The following VWC2 variants were observed in gnomAD, a reference collection of about 807,000 sequenced individuals.
VWC2 encodes the protein brorin.
In VWC2, 14 loss-of-function variants were observed where a neutral mutation model predicts 29.8. That is an observed-to-expected ratio of 0.47 (90% CI 0.31 to 0.74). The LOEUF (loss-of-function observed/expected upper bound fraction) is 0.74, where lower values mean the gene tolerates loss of function less well. VWC2 is among the 30% of genes least tolerant of loss of function. The pLI is 0.05. For missense variants in VWC2, 457 were observed against 459.8 expected, an observed-to-expected ratio of 0.99 and a Z score of 0.05; for synonymous variants, 213 against 199.0, an observed-to-expected ratio of 1.07 and a Z score of -0.59.
chr7:49,786,803 GTC>G (rs1464199880), intron 2 of VWC2, among the ~76,000 whole-genome samples: 1 of 152,144 alleles, frequency 6.6e-6, no homozygotes, highest in Non-Finnish European at 1.5e-5. Context: ...GTCTGTTCAT[GTC>G]TCTTGCCCAT....
At chr7:49,808,263 A>G (rs898397677) in intron 3 of VWC2, among the ~76,000 whole-genome samples, 1 of 152,160 alleles carries the variant, frequency 6.6e-6, no homozygotes, top group African/African-American at 2.4e-5. Context: ...AAAGAATTGT[A>G]TATCTAATTT....
intron 2 of VWC2, among the ~76,000 whole-genome samples, chr7:49,799,331 C>T (rs1788678983): frequency 6.6e-6 from 1 of 152,234 alleles, no homozygotes; most frequent in Non-Finnish European, 1.5e-5. Context: ...TTTATGTGAC[C>T]TGGATCCTGG....
chr7:49,810,173 A>G (rs918865628), intron 3 of VWC2, among the ~76,000 whole-genome samples: 1 of 151,984 alleles, frequency 6.6e-6, no homozygotes, highest in Non-Finnish European at 1.5e-5. Flanking sequence ...ACACATGCAT[A>G]CACATTCACA....
chr7:49,812,231 T>G (rs965159696), intron 3 of VWC2, among the ~76,000 whole-genome samples: 17 of 152,208 alleles, frequency 1.1e-4, no homozygotes, highest in African/African-American at 3.9e-4. Flanking sequence ...AGTTGTTAGG[T>G]GGATACACAA....
In VWC2 at chr7:49,920,898, G is replaced by A. The variant is rs1243311536; in HGVS notation, c.*8713G>A. On this transcript the variant is annotated 3_prime_UTR_variant, in exon 4 of 4. Coordinates refer to ENST00000340652, the MANE Select transcript of VWC2 (RefSeq NM_198570.5). ...CTTCATTTCTAATAGACTGTTATAG[G>A]GGAAATGTACTAAAATGTTGTACTT... The A allele has an allele frequency of 2.0e-5, 3 of 152,072 alleles. No homozygotes were observed. Among genetic ancestry groups the A allele is most frequent in the Non-Finnish European group, 2.9e-5 (2 of 68,014 alleles). The allele number at this position is 152,072 out of a possible 1,614,324, so 9.4% of individuals were successfully genotyped here.
intron 3 of VWC2, among the ~76,000 whole-genome samples, chr7:49,840,752 G>A (rs767603716): frequency 2.0e-5 from 3 of 152,004 alleles, no homozygotes; most frequent in Admixed American, 2.0e-4. Flanking sequence ...TTGTGGATCC[G>A]GCATTCAAGA....
intron 2 of VWC2, among the ~76,000 whole-genome samples, chr7:49,801,134 G>A (rs1031190445): frequency 2.0e-5 from 3 of 152,180 alleles, no homozygotes; most frequent in Non-Finnish European, 2.9e-5. Context: ...CTCCAGTTGA[G>A]CTTTTGCTTC....
At chr7:49,831,319 T>C (rs563927482) in intron 3 of VWC2, among the ~76,000 whole-genome samples, 3 of 152,308 alleles carry the variant, frequency 2.0e-5, no homozygotes, top group Admixed American at 6.5e-5. Flanking sequence ...AGACTGTCAG[T>C]AATTTGAATT....
intron 3 of VWC2, among the ~76,000 whole-genome samples, chr7:49,854,921 T>C (rs1790353509): frequency 6.6e-6 from 1 of 152,232 alleles, no homozygotes; most frequent in African/African-American, 2.4e-5. Flanking sequence ...ACTTGCCCAA[T>C]GCCATGCACC....
intron 2 of VWC2, among the ~76,000 whole-genome samples, chr7:49,794,451 A>T (rs1042369398): frequency 6.6e-6 from 1 of 152,198 alleles, no homozygotes; most frequent in African/African-American, 2.4e-5. Flanking sequence ...ATACGTTGGA[A>T]TTTGCATCCA....
At chr7:49,831,123 G>A (rs1283284387) in intron 3 of VWC2, among the ~76,000 whole-genome samples, 26 of 152,118 alleles carry the variant, frequency 1.7e-4, no homozygotes, top group Non-Finnish European at 4.4e-5. Flanking sequence ...TTTGGCTGAA[G>A]AAGTGACAAA....
At chr7:49,804,450 A>C (rs1413155135) in intron 3 of VWC2, among the ~76,000 whole-genome samples, 5 of 152,136 alleles carry the variant, frequency 3.3e-5, no homozygotes, top group African/African-American at 4.8e-5. Flanking sequence ...GACGACAACA[A>C]CTCTCACTGC....
At chr7:49,878,522 G>A (rs1395891698) in intron 3 of VWC2, among the ~76,000 whole-genome samples, 1 of 152,082 alleles carries the variant, frequency 6.6e-6, no homozygotes, top group Non-Finnish European at 1.5e-5. Flanking sequence ...AAACTCTGAA[G>A]GTATTTTTTC....
chr7:49,845,498 G>A (rs1327863193), intron 3 of VWC2, among the ~76,000 whole-genome samples: 1 of 152,186 alleles, frequency 6.6e-6, no homozygotes, highest in Non-Finnish European at 1.5e-5. Context: ...ACACTGAAAT[G>A]TAGAATGGTG....
At chr7:49,824,985 A>G (rs1293113865) in intron 3 of VWC2, among the ~76,000 whole-genome samples, 5 of 152,074 alleles carry the variant, frequency 3.3e-5, no homozygotes, top group Admixed American at 1.3e-4. Flanking sequence ...AATTATACAT[A>G]TGAAAACTTC....
Position 49,894,615 on chromosome 7 carries a change from GCA to G in VWC2, c.827-17417_827-17416del, listed in dbSNP as rs530162994. On this transcript the variant is annotated intron_variant, in intron 3 of 3. Transcript: ENST00000340652. The stretch of plus-strand genomic sequence containing the variant: ...GAGCTCTAGCTCTGTGCTGCATGCA[GCA>G]CTAGACCCTAGGGTGAGGCTGCAGT... Among the ~76,000 whole-genome samples the G allele has an allele frequency of 3.3e-4, 50 of 152,340 alleles. 1 individual carries two copies. The South Asian group carries it at 0.01, about 32-fold the overall frequency.
intron 3 of VWC2, among the ~76,000 whole-genome samples, chr7:49,818,894 T>A (rs1294765187): frequency 1.3e-5 from 2 of 149,820 alleles, no homozygotes; most frequent in East Asian, 3.9e-4. Context: ...TATAAATTCA[T>A]ATATATATGA....
At position 49,916,944 on chromosome 7, in the gene VWC2, T is replaced by C. The variant is rs369298182; in HGVS notation, c.*4759T>C. The C allele has an allele frequency of 6.6e-6, 1 of 152,256 alleles. No individual in the cohort carries two copies. The highest frequency in any genetic ancestry group is 1.5e-5 in the Non-Finnish European group (1 of 68,042). 9.4% of individuals were successfully genotyped at this position (152,256 alleles called of 1,614,324 possible). ...ATTGCTTTTAGTGTGAAATTTTTGA[T>C]GCTGAAGAAAGTTGATTGTATTGAA... On this transcript the variant is annotated 3_prime_UTR_variant, in exon 4 of 4. Transcript: ENST00000340652.
At chr7:49,908,455 T>C (rs373573742) in intron 3 of VWC2, among the ~76,000 whole-genome samples, 7 of 152,138 alleles carry the variant, frequency 4.6e-5, no homozygotes, top group Admixed American at 2.6e-4. Flanking sequence ...TAAGTAAATA[T>C]GTTAAAATGT....
Sources: gnomAD v4.1 joint callset for allele counts (sites outside exome capture counted in the v4.1 genomes callset) on GRCh38, gnomAD v4.1.1 for gene constraint, MANE v1.5 for transcripts, NCBI Gene and HGNC (gene_info 2026-07-23, HGNC 2026-07-21) for gene names.